Variants in CTNNA2 observed in about 807,000 individuals in gnomAD.
CTNNA2 encodes the protein catenin alpha 2.
A neutral mutation model predicts 101.0 loss-of-function variants in CTNNA2; 42 were observed. The observed-to-expected ratio is 0.42, with a 90% confidence interval of 0.32 to 0.54. The LOEUF (loss-of-function observed/expected upper bound fraction) is 0.54, where lower values mean the gene tolerates loss of function less well. Ranked by LOEUF, CTNNA2 falls within the 20% of genes least tolerant of loss-of-function variation. The probability of loss-of-function intolerance (pLI) is 0.14; values close to 1 mark genes in which losing one functional copy is unlikely to be tolerated. For missense variants in CTNNA2, 871 were observed against 1,223.1 expected, an observed-to-expected ratio of 0.71 and a Z score of 4.29; for synonymous variants, 450 against 456.4, an observed-to-expected ratio of 0.99 and a Z score of 0.18.
chr2:80,079,335 A>G (rs1698963400), intron 7 of CTNNA2, among the ~76,000 whole-genome samples: 1 of 152,232 alleles, frequency 6.6e-6, no homozygotes. Flanking sequence ...GAGTGTTACA[A>G]GTGAAGAAGA....
chr2:80,569,253 A>G (rs1396121213), intron 12 of CTNNA2, among the ~76,000 whole-genome samples: 1 of 152,112 alleles, frequency 6.6e-6, no homozygotes, highest in Non-Finnish European at 1.5e-5. Flanking sequence ...TGATTTTTAT[A>G]TGCATACTTA....
At chr2:80,095,251 T>C (rs1700072043) in intron 7 of CTNNA2, among the ~76,000 whole-genome samples, 1 of 152,212 alleles carries the variant, frequency 6.6e-6, no homozygotes, top group South Asian at 2.1e-4. Context: ...TCTGCATCTA[T>C]TGAGATAATC....
chr2:79,618,614 C>A (rs1678795569), intron 1 of CTNNA2, among the ~76,000 whole-genome samples: 1 of 152,192 alleles, frequency 6.6e-6, no homozygotes, highest in African/African-American at 2.4e-5. Flanking sequence ...AACTCCCATT[C>A]TTGTTTTTCT....
At chr2:79,783,262 T>C (rs933059391) in intron 3 of CTNNA2, among the ~76,000 whole-genome samples, 9 of 152,242 alleles carry the variant, frequency 5.9e-5, no homozygotes, top group African/African-American at 1.9e-4. Flanking sequence ...TCTAGTTAAT[T>C]AGATTTGGTC....
intron 7 of CTNNA2, among the ~76,000 whole-genome samples, chr2:80,065,568 G>T (rs1039871324): frequency 6.6e-5 from 10 of 151,952 alleles, no homozygotes; most frequent in African/African-American, 2.4e-4. Context: ...TGGCCAGGAT[G>T]GTCTTGATCT....
chr2:80,230,470 C>T (rs1488529067), intron 7 of CTNNA2, among the ~76,000 whole-genome samples: 1 of 152,018 alleles, frequency 6.6e-6, no homozygotes, highest in Non-Finnish European at 1.5e-5. Context: ...TCTATGCCCT[C>T]ATGTCTCTGG....
At chr2:80,010,743 C>T (rs1693720449) in intron 7 of CTNNA2, among the ~76,000 whole-genome samples, 1 of 151,724 alleles carries the variant, frequency 6.6e-6, no homozygotes, top group Non-Finnish European at 1.5e-5. Context: ...ATCACTTTTG[C>T]ACCAATAAAG....
intron 7 of CTNNA2, among the ~76,000 whole-genome samples, chr2:79,931,870 T>A (rs1335730747): frequency 1.3e-5 from 2 of 152,182 alleles, no homozygotes; most frequent in African/African-American, 4.8e-5. Context: ...GATTTGTGGA[T>A]CCTGGAGAGG....
At chr2:79,517,472 A>G (rs1671868451) in intron 1 of CTNNA2, among the ~76,000 whole-genome samples, 1 of 152,178 alleles carries the variant, frequency 6.6e-6, no homozygotes, top group African/African-American at 2.4e-5. Flanking sequence ...ACACAAATAT[A>G]TTTCTAAAAA....
chr2:80,111,888 A>G (rs1052460883), intron 7 of CTNNA2, among the ~76,000 whole-genome samples: 17 of 152,194 alleles, frequency 1.1e-4, no homozygotes, highest in Non-Finnish European at 2.1e-4. Context: ...GCTTATCACT[A>G]TATGGCTAAT....
At chr2:79,344,880 AATAT>A (rs1053057762) in intron 3 of CTNNA2, among the ~76,000 whole-genome samples, 4 of 145,190 alleles carry the variant, frequency 2.8e-5, no homozygotes, top group Non-Finnish European at 6.0e-5. Flanking sequence ...TTATATATAT[AATAT>A]ATATATAAAG....
At chr2:79,433,873 C>T (rs1678682293) in intron 4 of CTNNA2, among the ~76,000 whole-genome samples, 1 of 152,090 alleles carries the variant, frequency 6.6e-6, no homozygotes, top group Admixed American at 6.6e-5. Flanking sequence ...AGACTTGGCA[C>T]ATAGTAGGTG....
intron 1 of CTNNA2, among the ~76,000 whole-genome samples, chr2:79,583,577 T>C (rs1423718169): frequency 6.6e-6 from 1 of 152,146 alleles, no homozygotes; most frequent in Non-Finnish European, 1.5e-5. Context: ...GGTTAGTGTA[T>C]GTTTAGCCTT....
intron 9 of CTNNA2, among the ~76,000 whole-genome samples, chr2:80,514,226 G>A (rs952439863): frequency 6.6e-6 from 1 of 152,160 alleles, no homozygotes; most frequent in African/African-American, 2.4e-5. Context: ...AGGAGGGAGT[G>A]CATGAGTGAG....
intron 4 of CTNNA2, among the ~76,000 whole-genome samples, chr2:79,468,697 A>G (rs113311273): frequency 8.5e-4 from 130 of 152,374 alleles, no homozygotes; most frequent in African/African-American, 2.8e-3. Flanking sequence ...CCACAGTGCA[A>G]TCAAACTAGC....
chr2:80,635,032 A>G (rs1053731634), intron 18 of CTNNA2, among the ~76,000 whole-genome samples: 51 of 152,192 alleles, frequency 3.4e-4, no homozygotes, highest in African/African-American at 1.2e-3. Context: ...CTTCATGTCA[A>G]GAGGTGGTCT....
chr2:80,002,071 A>G (rs796961030), intron 7 of CTNNA2, among the ~76,000 whole-genome samples: 110 of 152,334 alleles, frequency 7.2e-4, no homozygotes, highest in African/African-American at 2.5e-3. Flanking sequence ...GCTTAGTGAC[A>G]ACCCTAAAAT....
chr2:80,403,267 T>C (rs1252260382), intron 8 of CTNNA2, among the ~76,000 whole-genome samples: 2 of 152,174 alleles, frequency 1.3e-5, no homozygotes, highest in Non-Finnish European at 2.9e-5. Flanking sequence ...CCAGAGCCTC[T>C]ATCTATGAAA....
At chr2:80,395,399 A>C (rs533095419) in intron 8 of CTNNA2, among the ~76,000 whole-genome samples, 2 of 152,188 alleles carry the variant, frequency 1.3e-5, no homozygotes, top group Non-Finnish European at 2.9e-5. Flanking sequence ...TCTCTTCTCC[A>C]ATCTGCCTTT....
Sources: gnomAD v4.1 joint callset for allele counts (sites outside exome capture counted in the v4.1 genomes callset) on GRCh38, gnomAD v4.1.1 for gene constraint, MANE v1.5 for transcripts, NCBI Gene and HGNC (gene_info 2026-07-23, HGNC 2026-07-21) for gene names.